Variants in CTTNBP2NL observed in about 807,000 individuals in gnomAD.
CTTNBP2NL encodes CTTNBP2 N-terminal like, also known as CTTNBP2 N-terminal-like protein.
A neutral mutation model predicts 32.5 loss-of-function variants in CTTNBP2NL; 16 were observed. That is an observed-to-expected ratio of 0.49 (90% confidence interval 0.33 to 0.75). CTTNBP2NL has a LOEUF of 0.75. Among genes scored for constraint, CTTNBP2NL ranks in the 30% least tolerant of loss-of-function variants. CTTNBP2NL has a pLI of 0.02. For synonymous variants in CTTNBP2NL, 298 were observed against 289.4 expected (o/e 1.03, Z -0.30); for missense variants, 645 against 756.0 (o/e 0.85, Z 1.72).
At chr1:112,453,654 A>C (rs1650287602) in intron 4 of CTTNBP2NL, among the ~76,000 whole-genome samples, 1 of 152,068 alleles carries the variant, frequency 6.6e-6, no homozygotes, top group South Asian at 2.1e-4. Flanking sequence ...TGGGAGGCTG[A>C]GAGGTGGGAG....
chr1:112,433,883 T>C (rs917860215), intron 3 of CTTNBP2NL, among the ~76,000 whole-genome samples: 28 of 152,026 alleles, frequency 1.8e-4, no homozygotes, highest in Admixed American at 1.8e-3. Context: ...TATACACTTA[T>C]TTTACTGAGT....
chr1:112,439,421 T>C (rs543628779), intron 3 of CTTNBP2NL, among the ~76,000 whole-genome samples: 1 of 152,322 alleles, frequency 6.6e-6, no homozygotes, highest in East Asian at 1.9e-4. Context: ...TCAGTCTGTT[T>C]ATAATTTAAG....
In CTTNBP2NL at chr1:112,457,047, A is replaced by G. The variant is rs774830866; in HGVS notation, c.1555A>G (p.Ile519Val). Residue 519 changes from isoleucine to valine, a missense_variant, in exon 6 of 6, where the codon ATC (isoleucine) becomes GTC (valine). By Grantham distance (29) the Ile-to-Val change is conservative. Coordinates refer to ENST00000271277, the MANE Select transcript of CTTNBP2NL (RefSeq NM_018704.3). ...LSRFTSQQGP[I>V]KPVSPNSSPF... ...CAGATTCACTAGCCAACAAGGGCCA[A>G]TCAAGCCAGTCTCTCCCAACAGCTC... 1.5e-5 allele frequency: 25 copies of G among 1,614,190 alleles called. No homozygotes were observed. In the South Asian group the frequency reaches 2.1e-4, roughly 13 times the overall value.
intron 1 of CTTNBP2NL, among the ~76,000 whole-genome samples, chr1:112,397,474 C>T (rs571386734): frequency 2.0e-5 from 3 of 152,166 alleles, no homozygotes; most frequent in South Asian, 4.2e-4. Flanking sequence ...ATTGGTTTTA[C>T]GATCATCTAT....
intron 3 of CTTNBP2NL, among the ~76,000 whole-genome samples, chr1:112,418,470 A>G (rs1221137308): frequency 1.3e-5 from 2 of 152,110 alleles, no homozygotes; most frequent in Admixed American, 6.6e-5. Context: ...AGTGTCTTGT[A>G]TATTTCAAAT....
Position 112,456,293 on chromosome 1 carries a change from G to A in CTTNBP2NL, c.801G>A (p.Met267Ile). 6.2e-7 allele frequency: 1 copy of A among 1,613,968 alleles called. No individual in the cohort carries two copies. The highest frequency in any genetic ancestry group is 8.5e-7 in the Non-Finnish European group (1 of 1,180,018). Residue 267 changes from methionine to isoleucine, a missense_variant, in exon 6 of 6, where the codon ATG becomes ATA. Physicochemically the swap from Met to Ile is conservative, Grantham distance 10. Transcript: ENST00000271277. ...ENRTKTLKEE[M>I]ESLKKIVKDL... ...GGACCAAAACCCTGAAAGAAGAAAT[G>A]GAAAGTTTAAAGAAGATAGTGAAGG...
intron 3 of CTTNBP2NL, among the ~76,000 whole-genome samples, chr1:112,434,250 C>T (rs764572856): frequency 6.6e-6 from 1 of 152,138 alleles, no homozygotes; most frequent in Non-Finnish European, 1.5e-5. Context: ...TATCCAAGTG[C>T]CTTTTTGACT....
intron 1 of CTTNBP2NL, among the ~76,000 whole-genome samples, chr1:112,406,111 G>C (rs529338507): frequency 3.3e-5 from 5 of 152,046 alleles, no homozygotes; most frequent in African/African-American, 9.7e-5. Flanking sequence ...TTGAACCTGG[G>C]AGGCGGAGGT....
chr1:112,457,373 T>C lies in CTTNBP2NL; in HGVS notation c.1881T>C (p.Asn627=). Residue 627 remains asparagine, a synonymous_variant, in exon 6 of 6, where the codon AAT becomes AAC. Coordinates refer to ENST00000271277, the MANE Select transcript of CTTNBP2NL (RefSeq NM_018704.3). ...SSCSSNTVVA[N]GKDVELLLPT... Reference sequence around the variant, plus strand: ...GCTCTTCCAATACTGTTGTAGCAAATGGTAAGGATGTTGAGTTACTTTTGC... The same window carrying C: ...GCTCTTCCAATACTGTTGTAGCAAACGGTAAGGATGTTGAGTTACTTTTGC... The C allele has an allele frequency of 6.2e-7, 1 of 1,614,012 alleles. No individual in the cohort carries two copies. The highest frequency in any genetic ancestry group is 8.5e-7 in the Non-Finnish European group (1 of 1,179,948).
chr1:112,452,190 C>T (rs1018713), intron 4 of CTTNBP2NL, among the ~76,000 whole-genome samples: 95,452 of 151,854 alleles, frequency 0.63, 30,252 homozygotes, highest in South Asian at 0.71. Flanking sequence ...GACAGGGTCT[C>T]GCTGTGTTGC....
chr1:112,454,946 A>G (rs966057765), intron 5 of CTTNBP2NL, among the ~76,000 whole-genome samples: 3 of 152,342 alleles, frequency 2.0e-5, no homozygotes, highest in African/African-American at 7.2e-5. Flanking sequence ...TTATGTCACA[A>G]CCCAGTATAT....
chr1:112,442,730 G>T (rs1167601145), intron 3 of CTTNBP2NL, among the ~76,000 whole-genome samples: 1 of 150,128 alleles, frequency 6.7e-6, no homozygotes, highest in Non-Finnish European at 1.5e-5. Context: ...TCGCTCTGTC[G>T]CCCAGGCTGG....
chr1:112,404,101 A>G (rs748583684), intron 1 of CTTNBP2NL, among the ~76,000 whole-genome samples: 4 of 152,220 alleles, frequency 2.6e-5, no homozygotes, highest in Admixed American at 6.5e-5. Context: ...CAAAGGTTAA[A>G]TGGATGAAAG....
chr1:112,453,072 G>A (rs895692069), intron 4 of CTTNBP2NL, among the ~76,000 whole-genome samples: 1 of 151,434 alleles, frequency 6.6e-6, no homozygotes, highest in South Asian at 2.1e-4. Flanking sequence ...CCGAGATGAT[G>A]CCACTGCATT....
intron 3 of CTTNBP2NL, among the ~76,000 whole-genome samples, chr1:112,430,477 A>G (rs1194211858): frequency 6.7e-6 from 1 of 149,832 alleles, no homozygotes; most frequent in Non-Finnish European, 1.5e-5. Flanking sequence ...ACCTCAAGTG[A>G]TCCACCCGCC....
At chr1:112,394,168 A>C (rs1648252363), upstream of CTTNBP2NL, among the ~76,000 whole-genome samples, 1 of 150,492 alleles carries the variant, frequency 6.6e-6, no homozygotes, top group Non-Finnish European at 1.5e-5. Flanking sequence ...GCGCCATTGC[A>C]CTCCAGTCTG....
chr1:112,432,623 T>G (rs1649601102), intron 3 of CTTNBP2NL, among the ~76,000 whole-genome samples: 1 of 152,066 alleles, frequency 6.6e-6, no homozygotes, highest in Non-Finnish European at 1.5e-5. Flanking sequence ...TGATCTTATC[T>G]TTACCCTGTT....
chr1:112,413,021 T>C (rs922166488), intron 2 of CTTNBP2NL, among the ~76,000 whole-genome samples: 3 of 152,218 alleles, frequency 2.0e-5, no homozygotes, highest in African/African-American at 7.2e-5. Flanking sequence ...TCTTTGTCAT[T>C]GACAAGGAAT....
intron 2 of CTTNBP2NL, among the ~76,000 whole-genome samples, chr1:112,415,255 C>T (rs1026370994): frequency 6.6e-6 from 1 of 152,022 alleles, no homozygotes; most frequent in Admixed American, 6.6e-5. Context: ...AGTAAGTTTG[C>T]ATATAGTTGA....
Sources: allele counts gnomAD v4.1 joint callset (sites outside exome capture counted in the v4.1 genomes callset), GRCh38; gene constraint gnomAD v4.1.1; transcripts MANE v1.5; gene names NCBI Gene and HGNC (gene_info 2026-07-23, HGNC 2026-07-21).